The following UGT8 variants were observed in gnomAD, a reference collection of about 807,000 sequenced individuals.
UGT8 encodes the protein 2-hydroxyacylsphingosine 1-beta-galactosyltransferase.
Under a neutral mutation model 40.5 loss-of-function variants are expected in UGT8, and 12 were observed. That is an observed-to-expected ratio of 0.30 (90% confidence interval 0.19 to 0.48). The LOEUF (loss-of-function observed/expected upper bound fraction) is 0.48, where lower values mean the gene tolerates loss of function less well. UGT8 is among the 20% of genes least tolerant of loss of function. The probability of loss-of-function intolerance (pLI) is 0.99; values close to 1 mark genes in which losing one functional copy is unlikely to be tolerated. For synonymous variants in UGT8, 224 were observed against 240.4 expected, an observed-to-expected ratio of 0.93 and a Z score of 0.63; for missense variants, 513 against 648.7, an observed-to-expected ratio of 0.79 and a Z score of 2.27.
intron 5 of UGT8, 114 bp from the exon 6 acceptor site, chr4:114,675,809 AGG>A: frequency 8.3e-7 from 1 of 1,212,102 alleles, no homozygotes. Flanking sequence ...TGTACATGCA[AGG>A]TACTTACTAA....
At chr4:114,652,513 T>C (rs75387369) in intron 2 of UGT8, among the ~76,000 whole-genome samples, 3,229 of 152,072 alleles carry the variant, frequency 0.021, 56 homozygotes, top group Non-Finnish European at 0.032. Flanking sequence ...ACTTTTATGA[T>C]GGGTCTAGGA....
At chr4:114,675,804 A>T (rs146052841) in intron 5 of UGT8, 121 bp from the exon 6 acceptor site, 3 of 1,145,658 alleles carry the variant, frequency 2.6e-6, no homozygotes. Flanking sequence ...GTGCTTGTAC[A>T]TGCAAGGTAC....
At chr4:114,628,661 A>G (rs13113214) in intron 2 of UGT8, among the ~76,000 whole-genome samples, 131,064 of 149,922 alleles carry the variant, frequency 0.87, 59,254 homozygotes, top group East Asian at 1. Context: ...CAGAGATACT[A>G]TATTTCCACA....
intron 1 of UGT8, among the ~76,000 whole-genome samples, chr4:114,608,345 C>T (rs996033011): frequency 2.6e-5 from 4 of 152,162 alleles, no homozygotes; most frequent in Non-Finnish European, 5.9e-5. Flanking sequence ...AGTCTCTTGT[C>T]TCCTCATACA....
At chr4:114,621,676 A>T (rs1438714668) in intron 1 of UGT8, among the ~76,000 whole-genome samples, 2 of 152,222 alleles carry the variant, frequency 1.3e-5, no homozygotes, top group Non-Finnish European at 2.9e-5. Flanking sequence ...CAGATGTTCC[A>T]TAGATATTTC....
intron 1 of UGT8, among the ~76,000 whole-genome samples, chr4:114,613,698 C>A (rs1731222339): frequency 6.6e-6 from 1 of 152,204 alleles, no homozygotes; most frequent in East Asian, 1.9e-4. Flanking sequence ...AGTGCTAGAT[C>A]CCTATCTGTC....
chr4:114,640,315 C>A (rs1227060466), intron 2 of UGT8, among the ~76,000 whole-genome samples: 2 of 151,884 alleles, frequency 1.3e-5, no homozygotes, highest in African/African-American at 4.8e-5. Flanking sequence ...CAGGCGTGAG[C>A]CACCGCGCCC....
chr4:114,626,587 C>T (rs1167916227), intron 2 of UGT8, among the ~76,000 whole-genome samples: 3 of 152,140 alleles, frequency 2.0e-5, no homozygotes, highest in Non-Finnish European at 4.4e-5. Context: ...TTTATTTATT[C>T]TTTCCTTTAA....
chr4:114,625,475 C>T (rs547261502), intron 2 of UGT8, among the ~76,000 whole-genome samples: 47 of 136,790 alleles, frequency 3.4e-4, no homozygotes, highest in African/African-American at 1.3e-3. Context: ...CACACCACTA[C>T]ACTCCAGCCT....
At position 114,635,918 on chromosome 4, in the gene UGT8, ATTAT is replaced by A. The variant is rs1431438453; in HGVS notation, c.822+12221_822+12224del. Among the ~76,000 whole-genome samples, 4 of 152,194 alleles carry A rather than the reference ATTAT, an allele frequency of 2.6e-5. No individual in the cohort carries two copies. The East Asian group carries it at 5.8e-4, about 22-fold the overall frequency. ...AGATAATGTAAGAATGAAAAGAGAA[ATTAT>A]TTATGTACTAGATTATATACAACTT... On this transcript the variant is annotated intron_variant, in intron 2 of 5. Transcript: ENST00000310836.
At chr4:114,614,840 C>CTTT (rs68162513) in intron 1 of UGT8, among the ~76,000 whole-genome samples, 6 of 98,530 alleles carry the variant, frequency 6.1e-5, no homozygotes, top group African/African-American at 1.1e-4. Flanking sequence ...AGGTGCCAGA[C>CTTT]TTTTTTTTTT....
chr4:114,602,425 T>G (rs1324565864), intron 1 of UGT8, among the ~76,000 whole-genome samples: 2 of 152,228 alleles, frequency 1.3e-5, no homozygotes, highest in Non-Finnish European at 2.9e-5. Flanking sequence ...AATCTACTTA[T>G]GGAGGAGGTA....
intron 2 of UGT8, among the ~76,000 whole-genome samples, chr4:114,641,844 A>C (rs1182701749): frequency 6.6e-6 from 1 of 152,188 alleles, no homozygotes; most frequent in Non-Finnish European, 1.5e-5. Flanking sequence ...TTTCTTTTAC[A>C]CTTTGACAGA....
intron 2 of UGT8, among the ~76,000 whole-genome samples, chr4:114,644,805 G>C (rs976496763): frequency 6.6e-6 from 1 of 152,124 alleles, no homozygotes; most frequent in Non-Finnish European, 1.5e-5. Flanking sequence ...TGAGCATGGA[G>C]TTGTCAACAT....
intron 2 of UGT8, among the ~76,000 whole-genome samples, chr4:114,640,882 A>G (rs973833701): frequency 7.2e-5 from 11 of 152,300 alleles, no homozygotes; most frequent in African/African-American, 2.4e-4. Context: ...ATGAGAATTC[A>G]AGGTGAGATT....
intron 1 of UGT8, among the ~76,000 whole-genome samples, chr4:114,618,676 A>G (rs992592007): frequency 3.3e-5 from 5 of 152,148 alleles, no homozygotes; most frequent in African/African-American, 1.2e-4. Flanking sequence ...TGTAAAAGCA[A>G]TTGTTTGCTT....
In UGT8 at chr4:114,676,687, T is replaced by G. The variant is rs1273136058; in HGVS notation, c.*399T>G. 1 of 155,758 alleles carries G rather than the reference T, an allele frequency of 6.4e-6. No homozygotes were observed. Among genetic ancestry groups the G allele is most frequent in the African/African-American group, 2.4e-5 (1 of 41,198 alleles). 9.6% of individuals were successfully genotyped at this position (155,758 alleles called of 1,614,324 possible). On this transcript the variant is annotated 3_prime_UTR_variant, in exon 6 of 6. Transcript: ENST00000310836. ...TGTTTGTGTGTGTGTGTGTGTGTCCTAATTAAGAGAATTTTTACTGGCTGC... is the reference window on the plus strand; with the variant it reads ...TGTTTGTGTGTGTGTGTGTGTGTCCGAATTAAGAGAATTTTTACTGGCTGC...
intron 5 of UGT8, among the ~76,000 whole-genome samples, chr4:114,668,910 A>G (rs1482559563): frequency 6.6e-6 from 1 of 152,210 alleles, no homozygotes; most frequent in Non-Finnish European, 1.5e-5. Flanking sequence ...TAGTTCACCA[A>G]TGAGTCTCAA....
At chr4:114,599,884 G>C (rs182470677) in intron 1 of UGT8, among the ~76,000 whole-genome samples, 1 of 152,058 alleles carries the variant, frequency 6.6e-6, no homozygotes, top group Non-Finnish European at 1.5e-5. Context: ...AGGTGGGCGG[G>C]GTACCCAATC....
Sources: allele counts gnomAD v4.1 joint callset (sites outside exome capture counted in the v4.1 genomes callset), GRCh38; gene constraint gnomAD v4.1.1; transcripts MANE v1.5; gene names NCBI Gene and HGNC (gene_info 2026-07-23, HGNC 2026-07-21).